TJP1: variants seen among roughly 807,000 people sequenced by gnomAD.
The protein encoded by TJP1 is tight junction protein ZO-1.
TJP1 carries 43 observed loss-of-function variants against 194.2 expected under a neutral mutation model. The observed-to-expected ratio is 0.22, with a 90% CI of 0.17 to 0.29. TJP1 has a LOEUF of 0.29. Ranked by LOEUF, TJP1 falls within the 10% of genes least tolerant of loss-of-function variation. The pLI is 1.00. For synonymous variants in TJP1, 801 were observed against 779.0 expected (o/e 1.03, Z -0.47); for missense variants, 1,971 against 2,185.7 (o/e 0.90, Z 1.96).
chr15:29,949,488 C>T, intron 2 of TJP1, among the ~76,000 whole-genome samples: 3 of 145,668 alleles, frequency 2.1e-5, no homozygotes, highest in Non-Finnish European at 3.0e-5. Flanking sequence ...ACAACCACCA[C>T]CTCCACCTCC....
At chr15:29,914,217 A>G (rs2054111786) in intron 2 of TJP1, among the ~76,000 whole-genome samples, 1 of 152,190 alleles carries the variant, frequency 6.6e-6, no homozygotes, top group Non-Finnish European at 1.5e-5. Flanking sequence ...ACCTTAAATA[A>G]ATATAGTTTC....
rs777571101 is a variant in TJP1, at chr15:29,700,445, C to T, written c.*1150G>A. The T allele has an allele frequency of 2.0e-4, 79 of 398,744 alleles. No homozygotes were observed. In the Middle Eastern group the frequency reaches 2.5e-3, roughly 13 times the overall value. 24.7% of individuals were successfully genotyped at this position (398,744 alleles called of 1,614,324 possible). A position where few individuals can be genotyped will look rare whatever the true frequency, so the allele number is the denominator to read the frequency against. On this transcript the variant is annotated 3_prime_UTR_variant, in exon 28 of 28. Coordinates refer to ENST00000614355, the MANE Select transcript of TJP1 (RefSeq NM_001330239.4). The stretch of plus-strand genomic sequence containing the variant: ...TAAAAATGTAACAACTCTGTGCATC[C>T]TTTTTCTTAAAAAAAATGACCTTGC...
At chr15:29,716,342 C>G (rs1324442278) in intron 23 of TJP1, among the ~76,000 whole-genome samples, 1 of 152,106 alleles carries the variant, frequency 6.6e-6, no homozygotes, top group Non-Finnish European at 1.5e-5. Context: ...TGATGATTAC[C>G]TATCGATGAG....
intron 2 of TJP1, among the ~76,000 whole-genome samples, chr15:29,901,022 G>C (rs1432784147): frequency 1.3e-5 from 2 of 152,150 alleles, no homozygotes; most frequent in African/African-American, 4.8e-5. Flanking sequence ...GTCTTCTCAA[G>C]AGGAAAATCG....
At chr15:29,948,361 A>G (rs2152294907) in intron 2 of TJP1, among the ~76,000 whole-genome samples, 1 of 151,976 alleles carries the variant, frequency 6.6e-6, no homozygotes, top group Non-Finnish European at 1.5e-5. Context: ...TTACCTTATT[A>G]ATACCATGTC....
In TJP1 at chr15:29,700,690, G is replaced by C. The variant is rs1437858783; in HGVS notation, c.*905C>G. On this transcript the variant is annotated 3_prime_UTR_variant, in exon 28 of 28. Coordinates refer to ENST00000614355, the MANE Select transcript of TJP1 (RefSeq NM_001330239.4). Reference sequence around the variant, plus strand: ...ATCAAAATTTTCAAATGCATAGCCAGAAAGAACAGAAAACCACCACTGCCC... The same window carrying C: ...ATCAAAATTTTCAAATGCATAGCCACAAAGAACAGAAAACCACCACTGCCC... 2.2e-5 allele frequency: 4 copies of C among 182,732 alleles called. No individual in the cohort carries two copies. The highest frequency in any genetic ancestry group is 7.7e-5 in the East Asian group (1 of 12,914). 11.3% of individuals were successfully genotyped at this position (182,732 alleles called of 1,614,324 possible). A position where few individuals can be genotyped will look rare whatever the true frequency, so the allele number is the denominator to read the frequency against.
At position 29,822,127 on chromosome 15, in the gene TJP1, G is replaced by T; in HGVS notation, c.-99C>A. 1 of 1,203,230 alleles carries T rather than the reference G, an allele frequency of 8.3e-7. No homozygotes were observed. Among genetic ancestry groups the T allele is most frequent in the Non-Finnish European group, 1.0e-6 (1 of 967,728 alleles). The allele number at this position is 1,203,230 out of a possible 1,614,324, so 74.5% of individuals were successfully genotyped here. ...GCCACAGCCCAAATAAACATCTCCC[G>T]AGAGCGAGCGGGGCACGGGCGGGGG... On this transcript the variant is annotated 5_prime_UTR_variant, in exon 1 of 28. Transcript: ENST00000614355.
At chr15:29,799,925 G>C (rs532763605) in intron 2 of TJP1, among the ~76,000 whole-genome samples, 1 of 152,228 alleles carries the variant, frequency 6.6e-6, no homozygotes, top group South Asian at 2.1e-4. Flanking sequence ...CTAAGAAAGG[G>C]AGTAATCAGT....
intron 2 of TJP1, among the ~76,000 whole-genome samples, chr15:29,869,413 T>C (rs897674719): frequency 6.6e-6 from 1 of 151,930 alleles, no homozygotes; most frequent in Non-Finnish European, 1.5e-5. Flanking sequence ...TTGAAGGGAG[T>C]GTGTGTTAGA....
intron 2 of TJP1, among the ~76,000 whole-genome samples, chr15:29,911,949 T>A (rs2054028263): frequency 6.6e-6 from 1 of 152,190 alleles, no homozygotes; most frequent in South Asian, 2.1e-4. Context: ...CGCAATCCAA[T>A]GAGGAGAAAG....
At chr15:29,735,351 G>A (rs139122558) in intron 11 of TJP1, among the ~76,000 whole-genome samples, 67 of 152,200 alleles carry the variant, frequency 4.4e-4, no homozygotes, top group African/African-American at 1.6e-3. Flanking sequence ...CACTCTGGGA[G>A]GCCAAAGTAG....
rs571392248 is a variant in TJP1, at chr15:29,816,160, T to A, written c.27+5842A>T. Among the ~76,000 whole-genome samples the A allele has an allele frequency of 1.4e-4, 21 of 152,176 alleles. No individual in the cohort carries two copies. The South Asian group carries it at 4.4e-3, about 32-fold the overall frequency. On this transcript the variant is annotated intron_variant, in intron 1 of 27. Coordinates refer to ENST00000614355, the MANE Select transcript of TJP1 (RefSeq NM_001330239.4). ...CTCCTGCCTCAGCCTCCCAAGTAGC[T>A]GGGATTTTAGGCATGTGCTACCACA...
At chr15:29,744,083 G>A (rs1315076268) in intron 8 of TJP1, among the ~76,000 whole-genome samples, 1 of 152,134 alleles carries the variant, frequency 6.6e-6, no homozygotes, top group Non-Finnish European at 1.5e-5. Context: ...TGAGGCTGAG[G>A]CAGGAGAATC....
At chr15:29,726,349 A>T (rs4073316) in intron 18 of TJP1, 30 bp downstream of exon 18, 1,277,360 of 1,562,740 alleles carry the variant, frequency 0.82, 525,473 homozygotes, top group East Asian at 0.86. Flanking sequence ...TTTACTGAAC[A>T]AGTCAAAAAA....
At chr15:29,942,094 G>A (rs1292667916) in intron 2 of TJP1, among the ~76,000 whole-genome samples, 1 of 152,152 alleles carries the variant, frequency 6.6e-6, no homozygotes, top group Non-Finnish European at 1.5e-5. Context: ...CCAGAATACT[G>A]AACGCATAAT....
In TJP1 at chr15:29,743,241, T is replaced by A. The variant is rs150653429; in HGVS notation, c.1011-460A>T. 1.9e-4 allele frequency among the ~76,000 whole-genome samples: 29 copies of A among 152,184 alleles called. No homozygotes were observed. The East Asian group carries it at 5.6e-3, about 29-fold the overall frequency. On this transcript the variant is annotated intron_variant, in intron 8 of 27. Transcript: ENST00000614355. ...TAAGACTCAATGAAGCCACAGTATATCAACAAAAGTGATTACATAAAAATA... is the reference window on the plus strand; with the variant it reads ...TAAGACTCAATGAAGCCACAGTATAACAACAAAAGTGATTACATAAAAATA...
At chr15:29,891,719 C>G (rs2053315234) in intron 2 of TJP1, among the ~76,000 whole-genome samples, 1 of 152,178 alleles carries the variant, frequency 6.6e-6, no homozygotes, top group Non-Finnish European at 1.5e-5. Flanking sequence ...TGGGGCACCA[C>G]AAACCCTGCC....
At chr15:29,858,924 C>G (rs1196836235) in intron 2 of TJP1, among the ~76,000 whole-genome samples, 1 of 152,048 alleles carries the variant, frequency 6.6e-6, no homozygotes, top group Non-Finnish European at 1.5e-5. Flanking sequence ...AACTCCTGGG[C>G]TCAAGGCATC....
intron 2 of TJP1, among the ~76,000 whole-genome samples, chr15:29,905,178 G>A (rs1215211702): frequency 6.6e-6 from 1 of 152,220 alleles, no homozygotes. Flanking sequence ...CCTCAGGCCT[G>A]TTGGCAAAAG....
Sources: allele counts gnomAD v4.1 joint callset (sites outside exome capture counted in the v4.1 genomes callset), GRCh38; gene constraint gnomAD v4.1.1; transcripts MANE v1.5; gene names NCBI Gene and HGNC (gene_info 2026-07-23, HGNC 2026-07-21).